NT5DC1: variants seen among roughly 807,000 people sequenced by gnomAD.
The protein encoded by NT5DC1 is 5'-nucleotidase domain containing 1, also known as 5'-nucleotidase domain-containing protein 1.
A neutral mutation model predicts 59.4 loss-of-function variants in NT5DC1; 42 were observed. That is an observed-to-expected ratio of 0.71 (90% CI 0.55 to 0.92). The LOEUF (loss-of-function observed/expected upper bound fraction) is 0.92, where lower values mean the gene tolerates loss of function less well. NT5DC1 is among the 40% of genes least tolerant of loss of function. The pLI, the probability that NT5DC1 is intolerant of heterozygous loss-of-function variation, is 0.00. For missense variants in NT5DC1, 501 were observed against 537.1 expected (o/e 0.93, Z 0.66); for synonymous variants, 172 against 188.1 (o/e 0.91, Z 0.70).
At chr6:116,150,509 G>A (rs1468954238) in intron 6 of NT5DC1, among the ~76,000 whole-genome samples, 1 of 152,048 alleles carries the variant, frequency 6.6e-6, no homozygotes, top group Non-Finnish European at 1.5e-5. Flanking sequence ...GGTCTCGAAT[G>A]TGTGACCTCA....
At chr6:116,152,187 G>A (rs1780059684) in intron 6 of NT5DC1, among the ~76,000 whole-genome samples, 1 of 152,138 alleles carries the variant, frequency 6.6e-6, no homozygotes, top group African/African-American at 2.4e-5. Flanking sequence ...TCTTAAACTA[G>A]TTTGAAGATT....
intron 6 of NT5DC1, among the ~76,000 whole-genome samples, chr6:116,159,653 G>A (rs1460784337): frequency 6.6e-6 from 1 of 152,138 alleles, no homozygotes; most frequent in East Asian, 1.9e-4. Context: ...AAATTCAAGG[G>A]ATATATGTGC....
chr6:116,199,997 A>AGC (rs138305244), intron 6 of NT5DC1, among the ~76,000 whole-genome samples: 4,297 of 119,588 alleles, frequency 0.036, 244 homozygotes, highest in African/African-American at 0.11. Flanking sequence ...CAGTATGGAA[A>AGC]GTGGGGGGGG....
chr6:116,210,940 C>G (rs1273850814), intron 6 of NT5DC1, among the ~76,000 whole-genome samples: 1 of 151,932 alleles, frequency 6.6e-6, no homozygotes, highest in Non-Finnish European at 1.5e-5. Context: ...ATGAATCATG[C>G]CTCCCAGAAG....
chr6:116,170,568 A>C (rs1399119736), intron 6 of NT5DC1, among the ~76,000 whole-genome samples: 2 of 152,194 alleles, frequency 1.3e-5, no homozygotes, highest in Non-Finnish European at 2.9e-5. Flanking sequence ...AGTGCACCTT[A>C]GCTGTTGGGT....
intron 6 of NT5DC1, among the ~76,000 whole-genome samples, chr6:116,205,725 G>A (rs1026825923): frequency 6.6e-6 from 1 of 151,926 alleles, no homozygotes; most frequent in Non-Finnish European, 1.5e-5. Context: ...TTCACTAATT[G>A]TATTTACATC....
At chr6:116,168,791 A>G (rs1323251924) in intron 6 of NT5DC1, among the ~76,000 whole-genome samples, 1 of 152,058 alleles carries the variant, frequency 6.6e-6, no homozygotes, top group African/African-American at 2.4e-5. Flanking sequence ...GTCTAGGATA[A>G]CTTTCTACAG....
At chr6:116,204,380 C>A (rs996764762) in intron 6 of NT5DC1, among the ~76,000 whole-genome samples, 7 of 151,860 alleles carry the variant, frequency 4.6e-5, no homozygotes, top group African/African-American at 1.5e-4. Context: ...GATGCACTAC[C>A]TAATTAGTAA....
In NT5DC1 at chr6:116,244,298, G is replaced by T. The variant is rs1191017192; in HGVS notation, c.*274G>T. On this transcript the variant is annotated 3_prime_UTR_variant, in exon 12 of 12. Coordinates refer to ENST00000319550, the MANE Select transcript of NT5DC1 (RefSeq NM_152729.3). ...CTGGGGACACACACTCACACGCACA[G>T]TCACTCTTACACATATGCCTAGTCC... 1 of 229,610 alleles carries T rather than the reference G, an allele frequency of 4.4e-6. No individual in the cohort carries two copies. The highest frequency in any genetic ancestry group is 8.6e-6 in the Non-Finnish European group (1 of 116,852). The allele number at this position is 229,610 out of a possible 1,614,324, so 14.2% of individuals were successfully genotyped here.
chr6:116,155,908 AC>A (rs1294536701), intron 6 of NT5DC1, among the ~76,000 whole-genome samples: 2 of 152,154 alleles, frequency 1.3e-5, no homozygotes, highest in African/African-American at 4.8e-5. Context: ...ATACAAAAAA[AC>A]AATGGGAGAA....
intron 8 of NT5DC1, among the ~76,000 whole-genome samples, chr6:116,229,604 C>G (rs1051763580): frequency 6.6e-6 from 1 of 152,182 alleles, no homozygotes; most frequent in Non-Finnish European, 1.5e-5. Context: ...CTATCACGTG[C>G]AGTGCGTCAC....
At chr6:116,165,104 A>AAAAAAAAAG (rs1236944939) in intron 6 of NT5DC1, among the ~76,000 whole-genome samples, 14 of 151,456 alleles carry the variant, frequency 9.2e-5, no homozygotes, top group Non-Finnish European at 1.9e-4. Flanking sequence ...CTCAGAAAAA[A>AAAAAAAAAG]AAAAAAAAAA....
chr6:116,155,479 G>C (rs1056763655), intron 6 of NT5DC1, among the ~76,000 whole-genome samples: 1 of 152,058 alleles, frequency 6.6e-6, no homozygotes. Flanking sequence ...CGTATTTTAA[G>C]AATATCATGT....
At chr6:116,213,659 G>A (rs1301329146) in intron 6 of NT5DC1, among the ~76,000 whole-genome samples, 2 of 151,990 alleles carry the variant, frequency 1.3e-5, no homozygotes, top group African/African-American at 4.8e-5. Flanking sequence ...TTTAACATCT[G>A]TTCTATGTGT....
chr6:116,120,607 C>T, intron 6 of NT5DC1: 1 of 1,575,988 alleles, frequency 6.3e-7, no homozygotes, highest in Non-Finnish European at 8.6e-7. Flanking sequence ...GAAGACCAGG[C>T]TCTCCAGAGT....
intron 4 of NT5DC1, among the ~76,000 whole-genome samples, chr6:116,112,293 G>A (rs895109485): frequency 3.9e-5 from 6 of 152,072 alleles, no homozygotes; most frequent in African/African-American, 1.2e-4. Context: ...GCAAAATGAG[G>A]GAGAGCTAAT....
At chr6:116,182,043 C>G (rs1304920199) in intron 6 of NT5DC1, among the ~76,000 whole-genome samples, 1 of 151,958 alleles carries the variant, frequency 6.6e-6, no homozygotes, top group Non-Finnish European at 1.5e-5. Flanking sequence ...CCTCCGCGTC[C>G]CCAAAGTCCA....
intron 6 of NT5DC1, among the ~76,000 whole-genome samples, chr6:116,130,837 A>G (rs1040411866): frequency 1.1e-4 from 17 of 152,002 alleles, no homozygotes; most frequent in African/African-American, 3.4e-4. Flanking sequence ...GATACTCACA[A>G]TTTCTCAAAA....
At chr6:116,221,307 C>CATATCATTATTTTA (rs1376197644) in intron 7 of NT5DC1, 79 bp downstream of exon 7, 1 of 800,996 alleles carries the variant, frequency 1.2e-6, no homozygotes, top group Non-Finnish European at 2.0e-6. Context: ...TTAAAAGTGT[C>CATATCATTATTTTA]AGCCATGACC....
Sources: gnomAD v4.1 joint callset for allele counts (sites outside exome capture counted in the v4.1 genomes callset) on GRCh38, gnomAD v4.1.1 for gene constraint, MANE v1.5 for transcripts, NCBI Gene and HGNC (gene_info 2026-07-23, HGNC 2026-07-21) for gene names.